The following SOX5 variants were observed in gnomAD, a reference collection of about 807,000 sequenced individuals.
SOX5 encodes transcription factor SOX-5.
SOX5 carries 9 observed loss-of-function variants against 92.0 expected under a neutral mutation model. The ratio of observed to expected loss-of-function variants is 0.10; its 90% CI spans 0.06 to 0.17. The LOEUF (loss-of-function observed/expected upper bound fraction) is 0.17. Among genes scored for constraint, SOX5 ranks in the 10% least tolerant of loss-of-function variants. The pLI is 1.00. For missense variants in SOX5, 642 were observed against 944.5 expected, an observed-to-expected ratio of 0.68 and a Z score of 4.20; for synonymous variants, 344 against 336.3, an observed-to-expected ratio of 1.02 and a Z score of -0.25.
At chr12:23,743,773 A>G (rs1242358384) in intron 4 of SOX5, among the ~76,000 whole-genome samples, 2 of 152,192 alleles carry the variant, frequency 1.3e-5, no homozygotes, top group African/African-American at 4.8e-5. Context: ...GGTGGGTTTC[A>G]CATTCCGTGA....
At chr12:24,378,759 C>T (rs891693816) in intron 1 of SOX5, among the ~76,000 whole-genome samples, 3 of 152,060 alleles carry the variant, frequency 2.0e-5, no homozygotes, top group African/African-American at 7.2e-5. Context: ...TTATTGTAGC[C>T]GAAGCATAAA....
At chr12:24,259,841 T>C (rs1381852952) in intron 3 of SOX5, among the ~76,000 whole-genome samples, 1 of 152,178 alleles carries the variant, frequency 6.6e-6, no homozygotes, top group Non-Finnish European at 1.5e-5. Flanking sequence ...ATCGTGTATA[T>C]CTTAGATTCC....
At chr12:23,583,335 T>C (rs1272289975) in intron 9 of SOX5, among the ~76,000 whole-genome samples, 1 of 152,128 alleles carries the variant, frequency 6.6e-6, no homozygotes, top group African/African-American at 2.4e-5. Flanking sequence ...GAATGTCATA[T>C]TGGAAGACCT....
intron 4 of SOX5, among the ~76,000 whole-genome samples, chr12:24,023,959 G>A (rs1026434404): frequency 2.0e-5 from 3 of 151,922 alleles, no homozygotes; most frequent in African/African-American, 7.2e-5. Flanking sequence ...TTATCTTTAC[G>A]TGTCCTGTTA....
In SOX5 at chr12:23,974,995, A is replaced by G. The variant is rs576747117; in HGVS notation, c.-1-78971T>C. 5.6e-4 allele frequency among the ~76,000 whole-genome samples: 86 copies of G among 152,288 alleles called. 1 individual carries two copies. Among genetic ancestry groups the G allele is most frequent in the African/African-American group, 2.0e-3 (84 of 41,568 alleles). On this transcript the variant is annotated intron_variant, in intron 4 of 4. Coordinates refer to the SOX5 transcript ENST00000446891. ...ATCAATCTGAAAGTAAATAACTTCT[A>G]TTTGATGCTAAGGTAAAATAAATCA...
intron 3 of SOX5, among the ~76,000 whole-genome samples, chr12:23,829,259 C>G (rs185497948): frequency 6.6e-6 from 1 of 152,244 alleles, no homozygotes; most frequent in East Asian, 1.9e-4. Flanking sequence ...ATGCACGGTC[C>G]TGACAAGTGC....
intron 4 of SOX5, among the ~76,000 whole-genome samples, chr12:23,745,945 T>C (rs543104102): frequency 6.6e-6 from 1 of 152,234 alleles, no homozygotes; most frequent in African/African-American, 2.4e-5. Context: ...ATATAGAAAA[T>C]CATCTAACAC....
intron 4 of SOX5, among the ~76,000 whole-genome samples, chr12:23,742,239 T>C (rs2093822351): frequency 6.6e-6 from 1 of 152,158 alleles, no homozygotes; most frequent in Non-Finnish European, 1.5e-5. Flanking sequence ...AGCTTATAAT[T>C]TTTATATGAC....
intron 1 of SOX5, among the ~76,000 whole-genome samples, chr12:24,450,045 T>C (rs781505032): frequency 1.3e-5 from 2 of 152,162 alleles, no homozygotes; most frequent in Admixed American, 6.5e-5. Context: ...ACAATATTTG[T>C]CTCCTTAATG....
At chr12:23,602,173 AC>A (rs1325873600) in intron 9 of SOX5, among the ~76,000 whole-genome samples, 3 of 152,150 alleles carry the variant, frequency 2.0e-5, no homozygotes, top group Non-Finnish European at 4.4e-5. Context: ...AACACAATCT[AC>A]TTTTTCACTT....
At chr12:24,398,793 G>A (rs1566069775) in intron 1 of SOX5, among the ~76,000 whole-genome samples, 1 of 152,136 alleles carries the variant, frequency 6.6e-6, no homozygotes, top group South Asian at 2.1e-4. Context: ...GTTTTGCAGA[G>A]AGTAGCTTCT....
At chr12:23,779,814 T>TATATATATATATATATACACAC (rs777013504) in intron 3 of SOX5, among the ~76,000 whole-genome samples, 6 of 110,798 alleles carry the variant, frequency 5.4e-5, no homozygotes, top group Admixed American at 1.7e-4. Flanking sequence ...TATATATATA[T>TATATATATATATATATACACAC]ACACACACAC....
chr12:23,651,742 G>T (rs1462304284), intron 7 of SOX5, among the ~76,000 whole-genome samples: 1 of 151,878 alleles, frequency 6.6e-6, no homozygotes, highest in South Asian at 2.1e-4. Flanking sequence ...GAAAAGATGC[G>T]AGAAGCCTAT....
intron 2 of SOX5, among the ~76,000 whole-genome samples, chr12:24,360,109 T>C (rs1285042371): frequency 6.6e-6 from 1 of 152,186 alleles, no homozygotes; most frequent in Non-Finnish European, 1.5e-5. Context: ...TACTTAGAAG[T>C]TTGCTTTAAA....
intron 4 of SOX5, among the ~76,000 whole-genome samples, chr12:24,209,910 T>C (rs1008724216): frequency 4.9e-5 from 7 of 144,304 alleles, no homozygotes; most frequent in Admixed American, 4.2e-4. Context: ...CCCAGCTACT[T>C]GGGAGGCTGA....
chr12:24,442,166 T>C (rs1940717313), intron 1 of SOX5, among the ~76,000 whole-genome samples: 1 of 152,216 alleles, frequency 6.6e-6, no homozygotes, highest in South Asian at 2.1e-4. Context: ...CTGAGATTTG[T>C]AAAAGAGGCA....
chr12:24,308,675 AGACT>A (rs1178378025), intron 2 of SOX5, among the ~76,000 whole-genome samples: 2 of 152,252 alleles, frequency 1.3e-5, no homozygotes, highest in Non-Finnish European at 2.9e-5. Context: ...CAACAAATGC[AGACT>A]GACTATGGTC....
At position 24,506,776 on chromosome 12, in the gene SOX5, C is replaced by T. The variant is rs114872932; in HGVS notation, c.-251+55553G>A. ...AATGCAACCTGTATTTCATGGTATC[C>T]AAATGGTCTTTTTTTTTTTTTTTTT... On this transcript the variant is annotated intron_variant, in intron 1 of 4. Coordinates refer to the SOX5 transcript ENST00000446891. Among the ~76,000 whole-genome samples, 776 of 125,720 alleles carry T rather than the reference C, an allele frequency of 6.2e-3. 10 individuals are homozygous for T. The highest frequency in any genetic ancestry group is 0.021 in the African/African-American group (717 of 34,834). The allele number at this position is 125,720 out of a possible 152,430, so 82.5% of individuals were successfully genotyped here.
chr12:24,533,323 T>C (rs1042104225), intron 1 of SOX5, among the ~76,000 whole-genome samples: 1 of 152,202 alleles, frequency 6.6e-6, no homozygotes, highest in Non-Finnish European at 1.5e-5. Context: ...ATATGGAAGA[T>C]AATTTGATGT....
Sources: gnomAD v4.1 joint callset for allele counts (sites outside exome capture counted in the v4.1 genomes callset) on GRCh38, gnomAD v4.1.1 for gene constraint, MANE v1.5 for transcripts, NCBI Gene and HGNC (gene_info 2026-07-23, HGNC 2026-07-21) for gene names.